The following HAUS6 variants were observed in gnomAD, a reference collection of about 807,000 sequenced individuals.
The protein encoded by HAUS6 is HAUS augmin-like complex subunit 6.
HAUS6 carries 80 observed loss-of-function variants against 106.8 expected under a neutral mutation model. That is an observed-to-expected ratio of 0.75 (90% confidence interval 0.63 to 0.90). The LOEUF is 0.90. Among genes scored for constraint, HAUS6 ranks in the 40% least tolerant of loss-of-function variants. HAUS6 has a pLI of 0.00. For missense variants in HAUS6, 1,155 were observed against 1,118.1 expected, an observed-to-expected ratio of 1.03 and a Z score of -0.47; for synonymous variants, 356 against 379.1, an observed-to-expected ratio of 0.94 and a Z score of 0.71.
Position 19,102,870 on chromosome 9 carries a change from C to G in HAUS6, c.-219G>C. 2.4e-6 allele frequency: 1 copy of G among 420,106 alleles called. No homozygotes were observed. The highest frequency in any genetic ancestry group is 4.3e-6 in the Non-Finnish European group (1 of 234,834). 26.0% of individuals were successfully genotyped at this position (420,106 alleles called of 1,614,324 possible). A position where few individuals can be genotyped will look rare whatever the true frequency, so the allele number is the denominator to read the frequency against. ...TATAGTGCGGCCACCACTGCCTCAGCGAAGCCACCACAAACCGAGACTCCC... is the reference window on the plus strand; with the variant it reads ...TATAGTGCGGCCACCACTGCCTCAGGGAAGCCACCACAAACCGAGACTCCC... On this transcript the variant is annotated 5_prime_UTR_variant, in exon 1 of 17. Transcript: ENST00000380502.
chr9:19,066,380 G>A (rs1420899199), intron 12 of HAUS6, among the ~76,000 whole-genome samples: 1 of 151,938 alleles, frequency 6.6e-6, no homozygotes, highest in Non-Finnish European at 1.5e-5. Context: ...ATAATTAGGA[G>A]AAAAATAAAA....
chr9:19,087,016 G>T, intron 6 of HAUS6, 75 bp downstream of exon 6: 1 of 755,954 alleles, frequency 1.3e-6, no homozygotes, highest in East Asian at 2.4e-5. Flanking sequence ...GTTTGTGGGA[G>T]TCTGTTTCCT....
rs1836676614 is a variant in HAUS6 at position 19,063,427 on chromosome 9, AAATTT to A, written c.1443+82_1443+86del. The A allele has an allele frequency of 3.1e-5, 22 of 715,866 alleles. No homozygotes were observed. The South Asian group carries it at 4.3e-4, about 14-fold the overall frequency. 44.3% of individuals were successfully genotyped at this position (715,866 alleles called of 1,614,324 possible). On this transcript the variant is annotated intron_variant, in intron 13 of 16. Coordinates refer to ENST00000380502, the MANE Select transcript of HAUS6 (RefSeq NM_017645.5). ...AGTAGAAAATGTGAAATTAGAAATT[AAATTT>A]AACTGTGGTATCAACAAAAATAAAT...
intron 12 of HAUS6, among the ~76,000 whole-genome samples, chr9:19,064,313 CA>C (rs1836712889): frequency 2.0e-5 from 3 of 152,168 alleles, no homozygotes; most frequent in African/African-American, 7.2e-5. Context: ...TATCCAAAAT[CA>C]ATTTCTCATA....
In HAUS6 at chr9:19,053,591, CT is replaced by C. The variant is rs1454678720; in HGVS notation, c.*2751del. ...TTTAGCAACATTACATGGTTGTCCT[CT>C]TTAAACATTTAAAATAATTAGAACA... On this transcript the variant is annotated 3_prime_UTR_variant, in exon 17 of 17. Coordinates refer to ENST00000380502, the MANE Select transcript of HAUS6 (RefSeq NM_017645.5). 6.6e-6 allele frequency: 1 copy of C among 152,204 alleles called. No homozygotes were observed. Among genetic ancestry groups the C allele is most frequent in the Non-Finnish European group, 1.5e-5 (1 of 68,014 alleles). 9.4% of individuals were successfully genotyped at this position (152,204 alleles called of 1,614,324 possible).
In HAUS6 at chr9:19,076,857, T is replaced by C. The variant is rs78968966; in HGVS notation, c.1192-153A>G. 4.7e-4 allele frequency among the ~76,000 whole-genome samples: 71 copies of C among 152,334 alleles called. No individual in the cohort carries two copies. In the East Asian group the frequency reaches 0.013, roughly 27 times the overall value. ...ATAACTATTTTTATTTATTTATTTT[T>C]CTTAAAGACAGGGTCTCAGTCCCTC... On this transcript the variant is annotated intron_variant, in intron 10 of 16. Coordinates refer to ENST00000380502, the MANE Select transcript of HAUS6 (RefSeq NM_017645.5).
intron 16 of HAUS6, 143 bp downstream of exon 16, chr9:19,057,818 G>C (rs1387789082): frequency 1.7e-6 from 1 of 592,966 alleles, no homozygotes; most frequent in Non-Finnish European, 3.0e-6. Flanking sequence ...TGTCCAGTGA[G>C]GGATCATTCC....
At chr9:19,087,346 G>A (rs1036043510) in intron 5 of HAUS6, among the ~76,000 whole-genome samples, 190 bp from the exon 6 acceptor site, 6 of 152,102 alleles carry the variant, frequency 3.9e-5, no homozygotes, top group African/African-American at 1.4e-4. Context: ...GATGGACCTA[G>A]GACTCATAGG....
In HAUS6 at chr9:19,064,637, A is replaced by T. The variant is rs530184897; in HGVS notation, c.1377-1057T>A. Among the ~76,000 whole-genome samples the T allele has an allele frequency of 5.9e-5, 9 of 152,354 alleles. No individual in the cohort carries two copies. The South Asian group carries it at 1.9e-3, about 32-fold the overall frequency. On this transcript the variant is annotated intron_variant, in intron 12 of 16. Coordinates refer to ENST00000380502, the MANE Select transcript of HAUS6 (RefSeq NM_017645.5). Reference sequence around the variant, plus strand: ...TGCTTTCAACAGCATGCATGTTGGTACTTTCCTTTCTTCTTATAACTAGAA... The same window carrying T: ...TGCTTTCAACAGCATGCATGTTGGTTCTTTCCTTTCTTCTTATAACTAGAA...
intron 2 of HAUS6, among the ~76,000 whole-genome samples, chr9:19,096,130 C>T (rs933399264): frequency 6.6e-6 from 1 of 151,980 alleles, no homozygotes; most frequent in African/African-American, 2.4e-5. Context: ...AACTATATTA[C>T]TTATAAAATA....
At chr9:19,097,230 A>G (rs1817883629) in intron 1 of HAUS6, among the ~76,000 whole-genome samples, 1 of 152,212 alleles carries the variant, frequency 6.6e-6, no homozygotes, top group Non-Finnish European at 1.5e-5. Flanking sequence ...CAATGGCAAC[A>G]AAAGCCAAAA....
intron 5 of HAUS6, among the ~76,000 whole-genome samples, chr9:19,088,381 G>C: frequency 6.8e-6 from 1 of 147,270 alleles, no homozygotes. Context: ...GTGACACTGC[G>C]CTCCAGCCAG....
intron 5 of HAUS6, among the ~76,000 whole-genome samples, chr9:19,088,951 A>T (rs953653213): frequency 2.0e-5 from 3 of 151,636 alleles, no homozygotes; most frequent in South Asian, 2.1e-4. Flanking sequence ...GGCAGAAGTT[A>T]TCTGACTATA....
chr9:19,087,254 C>G (rs1837320385), intron 5 of HAUS6, 98 bp from the exon 6 acceptor site: 1 of 746,106 alleles, frequency 1.3e-6, no homozygotes, highest in African/African-American at 1.7e-5. Context: ...TGTTTAAGGC[C>G]TCTGGGTACA....
intron 7 of HAUS6, among the ~76,000 whole-genome samples, chr9:19,086,488 C>T (rs564142130): frequency 1.3e-5 from 2 of 152,030 alleles, no homozygotes; most frequent in South Asian, 2.1e-4. Context: ...GGCGTGGTGG[C>T]GCATGCTTGT....
chr9:19,054,020 GAGA>G lies in HAUS6; in HGVS notation c.*2320_*2322del, dbSNP rs1164733294. ...AAAAGATAAACCATAGGAGATTTCA[GAGA>G]AGGAGTAGGCACATGGATATAAAAA... is the stretch of plus-strand genomic sequence containing the variant. On this transcript the variant is annotated 3_prime_UTR_variant, in exon 17 of 17. Transcript: ENST00000380502. 6 of 152,182 alleles carry G rather than the reference GAGA, an allele frequency of 3.9e-5. No individual in the cohort carries two copies. The highest frequency in any genetic ancestry group is 4.4e-5 in the Non-Finnish European group (3 of 68,026). The allele number at this position is 152,182 out of a possible 1,614,324, so 9.4% of individuals were successfully genotyped here.
At chr9:19,096,061 G>A (rs1648210012) in intron 2 of HAUS6, among the ~76,000 whole-genome samples, 1 of 152,150 alleles carries the variant, frequency 6.6e-6, no homozygotes, top group East Asian at 1.9e-4. Context: ...TAATTGTTTT[G>A]CTAACAATAA....
intron 1 of HAUS6, 107 bp downstream of exon 1, chr9:19,102,417 C>G: frequency 8.0e-7 from 1 of 1,245,250 alleles, no homozygotes; most frequent in Non-Finnish European, 1.1e-6. Flanking sequence ...CACAGAGTAA[C>G]TGCTCAACCA....
At chr9:19,065,076 A>C (rs765433562) in intron 12 of HAUS6, 1 of 152,242 alleles carries the variant, frequency 6.6e-6, no homozygotes, top group Non-Finnish European at 1.5e-5. Context: ...AGTAAATGCC[A>C]CTTGAGAATG....
Sources: gnomAD v4.1 joint callset for allele counts (sites outside exome capture counted in the v4.1 genomes callset) on GRCh38, gnomAD v4.1.1 for gene constraint, MANE v1.5 for transcripts, NCBI Gene and HGNC (gene_info 2026-07-23, HGNC 2026-07-21) for gene names.